The following TNNI3K variants were observed in gnomAD, a reference collection of about 807,000 sequenced individuals.
TNNI3K encodes TNNI3 interacting kinase, also known as serine/threonine-protein kinase TNNI3K.
A neutral mutation model predicts 114.5 loss-of-function variants in TNNI3K; 140 were observed. The observed-to-expected ratio is 1.22, with a 90% CI of 1.07 to 1.41. TNNI3K has a LOEUF of 1.41. Among genes scored for constraint, TNNI3K ranks in the 40% most tolerant of loss-of-function variants. TNNI3K has a pLI of 0.00. For missense variants in TNNI3K, 1,125 were observed against 1,007.6 expected (o/e 1.12, Z -1.58); for synonymous variants, 347 against 347.5 (o/e 1.00, Z 0.02).
chr1:74,349,918 A>G (rs1358332853), intron 9 of TNNI3K, among the ~76,000 whole-genome samples: 2 of 152,032 alleles, frequency 1.3e-5, no homozygotes, highest in Non-Finnish European at 2.9e-5. Flanking sequence ...TTTTCAAAAA[A>G]CCAGCTCCTG....
Position 74,370,364 on chromosome 1 carries a change from C to A in TNNI3K, c.1744C>A (p.Gln582Lys). 6.2e-6 allele frequency: 10 copies of A among 1,607,276 alleles called. No individual in the cohort carries two copies. Among genetic ancestry groups the A allele is most frequent in the Non-Finnish European group, 7.7e-6 (9 of 1,175,912 alleles). ...CATGGAGTACCTTCACAACCTGACA[C>A]AGCCAATTATACATCGTGACTTGAA... The part of the protein sequence containing the change: ...KGMEYLHNLT[Q>K]PIIHRDLNSH... The change falls in exon 17 of 25, where the codon CAG (glutamine) becomes AAG (lysine). Residue 582 changes from glutamine (Q) to lysine (K), a missense_variant. Coordinates refer to ENST00000326637, the MANE Select transcript of TNNI3K (RefSeq NM_015978.3).
chr1:74,511,105 C>G (rs1028418721), intron 23 of TNNI3K, among the ~76,000 whole-genome samples: 7 of 152,072 alleles, frequency 4.6e-5, no homozygotes, highest in African/African-American at 1.7e-4. Flanking sequence ...CCAGGCTGGT[C>G]TGGAACTCCT....
At chr1:74,331,377 G>C in intron 5 of TNNI3K, 73 bp from the exon 6 acceptor site, 2 of 1,471,304 alleles carry the variant, frequency 1.4e-6, no homozygotes, top group South Asian at 2.5e-5. Flanking sequence ...TTTGTGCATG[G>C]TGGTTGTAAA....
chr1:74,446,665 T>C (rs1192629939), intron 20 of TNNI3K, among the ~76,000 whole-genome samples: 1 of 149,792 alleles, frequency 6.7e-6, no homozygotes, highest in Non-Finnish European at 1.5e-5. Flanking sequence ...AGGGTTTTTA[T>C]GGTTTTAGGT....
At chr1:74,334,673 A>G (rs1225024172) in intron 6 of TNNI3K, among the ~76,000 whole-genome samples, 1 of 152,158 alleles carries the variant, frequency 6.6e-6, no homozygotes, top group Non-Finnish European at 1.5e-5. Flanking sequence ...CTCTGACCCT[A>G]TGGATGTAGA....
chr1:74,534,747 T>G (rs1015410232), intron 23 of TNNI3K, among the ~76,000 whole-genome samples: 1 of 152,178 alleles, frequency 6.6e-6, no homozygotes, highest in Non-Finnish European at 1.5e-5. Flanking sequence ...TATATAAGAA[T>G]TCTTGTTTAG....
At chr1:74,368,997 AT>A (rs754024533) in intron 13 of TNNI3K, 24 bp from the exon 14 acceptor site, 2 of 1,577,722 alleles carry the variant, frequency 1.3e-6, no homozygotes, top group Non-Finnish European at 1.7e-6. Context: ...ACCTTAAAAA[AT>A]AAAATGACAA....
chr1:74,507,230 C>CG (rs1557614818), intron 23 of TNNI3K, among the ~76,000 whole-genome samples: 1 of 140,214 alleles, frequency 7.1e-6, no homozygotes, highest in African/African-American at 2.6e-5. Context: ...TTCACCCCCC[C>CG]CCCATCTTTT....
chr1:74,537,488 GAATT>G (rs1181868965), intron 23 of TNNI3K, among the ~76,000 whole-genome samples: 2 of 152,194 alleles, frequency 1.3e-5, no homozygotes, highest in African/African-American at 4.8e-5. Context: ...CAGGTAGAAA[GAATT>G]AATCAGTGTG....
At chr1:74,403,114 G>C (rs986504621) in intron 17 of TNNI3K, among the ~76,000 whole-genome samples, 5 of 151,870 alleles carry the variant, frequency 3.3e-5, no homozygotes, top group African/African-American at 4.8e-5. Flanking sequence ...ATGTGCTTCT[G>C]GGTATTTTAT....
At chr1:74,412,609 C>A (rs532296483) in intron 17 of TNNI3K, among the ~76,000 whole-genome samples, 19 of 152,046 alleles carry the variant, frequency 1.2e-4, no homozygotes, top group Non-Finnish European at 2.5e-4. Context: ...TTTTTCATCA[C>A]ATTCAATCCT....
At chr1:74,307,856 G>A (rs537714473) in intron 5 of TNNI3K, among the ~76,000 whole-genome samples, 89 of 152,166 alleles carry the variant, frequency 5.8e-4, no homozygotes, top group African/African-American at 1.8e-3. Flanking sequence ...CCAGCTACTC[G>A]GAAGGTTGAG....
rs768435419 is a variant in TNNI3K, at chr1:74,367,301, A to G, written c.1223A>G (p.Gln408Arg). 4.3e-6 allele frequency: 7 copies of G among 1,612,250 alleles called. No individual in the cohort carries two copies. Among genetic ancestry groups the G allele is most frequent in the South Asian group, 2.2e-5 (2 of 91,034 alleles). Residue 408 changes from glutamine (Q) to arginine (R), a missense_variant, in exon 12 of 25, where the codon CAA (glutamine) becomes CGA (arginine). Coordinates refer to ENST00000326637, the MANE Select transcript of TNNI3K (RefSeq NM_015978.3). ...CTCCTGAAGCATTATAAGAGACCAC[A>G]AGATGAATTGCCCTGTAATGAATAT... ...VTLLKHYKRP[Q>R]DELPCNEYSQ...
chr1:74,403,073 T>A lies in TNNI3K; in HGVS notation c.1772+32681T>A, dbSNP rs190138961. Among the ~76,000 whole-genome samples the A allele has an allele frequency of 5.2e-3, 788 of 152,288 alleles. 5 individuals carry two copies. Among genetic ancestry groups the A allele is most frequent in the African/African-American group, 0.018 (756 of 41,550 alleles). On this transcript the variant is annotated intron_variant, in intron 17 of 24. Coordinates refer to ENST00000326637, the MANE Select transcript of TNNI3K (RefSeq NM_015978.3). ...TAATAAGAATATGCTACTCTCAGCA[T>A]TTTTTACATGTCTCTTGGTGTGTTC...
chr1:74,286,602 C>G, intron 5 of TNNI3K, among the ~76,000 whole-genome samples: 1 of 151,954 alleles, frequency 6.6e-6, no homozygotes. Flanking sequence ...AAAAAGACAT[C>G]AGATTGACCC....
chr1:74,435,815 G>C (rs748585754), intron 17 of TNNI3K, among the ~76,000 whole-genome samples: 8 of 151,878 alleles, frequency 5.3e-5, no homozygotes, highest in Non-Finnish European at 8.8e-5. Flanking sequence ...TCAGCTGATG[G>C]GTCTTTTTGA....
At chr1:74,303,485 C>T (rs186619193) in intron 5 of TNNI3K, among the ~76,000 whole-genome samples, 2 of 152,136 alleles carry the variant, frequency 1.3e-5, no homozygotes, top group African/African-American at 4.8e-5. Context: ...ATATTTTAAG[C>T]CCACTGTTGA....
At chr1:74,363,389 G>A (rs1662078704) in intron 11 of TNNI3K, among the ~76,000 whole-genome samples, 1 of 151,964 alleles carries the variant, frequency 6.6e-6, no homozygotes, top group Non-Finnish European at 1.5e-5. Flanking sequence ...TTTCCTGGCA[G>A]CCTCATGCTT....
chr1:74,517,149 G>A (rs945023296), intron 23 of TNNI3K, among the ~76,000 whole-genome samples: 1 of 151,928 alleles, frequency 6.6e-6, no homozygotes, highest in Non-Finnish European at 1.5e-5. Flanking sequence ...CTCAACACCT[G>A]TGGGCACTTT....
Sources: allele counts gnomAD v4.1 joint callset (sites outside exome capture counted in the v4.1 genomes callset), GRCh38; gene constraint gnomAD v4.1.1; transcripts MANE v1.5; gene names NCBI Gene and HGNC (gene_info 2026-07-23, HGNC 2026-07-21).